The following CUL1 variants were observed in gnomAD, a reference collection of about 807,000 sequenced individuals.
CUL1 encodes the protein cullin-1.
In CUL1, 24 loss-of-function variants were observed where a neutral mutation model predicts 118.0. The observed-to-expected ratio is 0.20, with a 90% confidence interval of 0.15 to 0.29. The LOEUF is 0.29. Among genes scored for constraint, CUL1 ranks in the 10% least tolerant of loss-of-function variants. The pLI, the probability that CUL1 is intolerant of heterozygous loss-of-function variation, is 1.00. For missense variants in CUL1, 361 were observed against 933.8 expected (o/e 0.39, Z 7.99); for synonymous variants, 332 against 340.4 (o/e 0.98, Z 0.27).
At chr7:148,717,002 T>C (rs1454406628) in intron 1 of CUL1, among the ~76,000 whole-genome samples, 1 of 152,206 alleles carries the variant, frequency 6.6e-6, no homozygotes, top group Non-Finnish European at 1.5e-5. Context: ...CATGGAACAT[T>C]TCTTCAGCAA....
At chr7:148,742,358 A>G (rs1029610422) in intron 2 of CUL1, among the ~76,000 whole-genome samples, 2 of 152,174 alleles carry the variant, frequency 1.3e-5, no homozygotes, top group African/African-American at 2.4e-5. Context: ...AGTAGGCAAG[A>G]GAGCTTATGC....
intron 17 of CUL1, 113 bp downstream of exon 17, chr7:148,792,931 T>A (rs1801066459): frequency 5.8e-6 from 4 of 690,408 alleles, no homozygotes; most frequent in African/African-American, 1.8e-5. Flanking sequence ...GAAATAGATG[T>A]TTGCCTCATG....
chr7:148,707,955 C>G (rs1440523658), intron 1 of CUL1, among the ~76,000 whole-genome samples: 1 of 152,152 alleles, frequency 6.6e-6, no homozygotes, highest in Non-Finnish European at 1.5e-5. Context: ...CCAGTGTCCC[C>G]TTCTGAGTAG....
At chr7:148,736,374 G>A (rs1287353061) in intron 2 of CUL1, among the ~76,000 whole-genome samples, 2 of 152,124 alleles carry the variant, frequency 1.3e-5, no homozygotes, top group African/African-American at 4.8e-5. Flanking sequence ...TCATAGCTCA[G>A]TGCAGCCTCC....
intron 1 of CUL1, among the ~76,000 whole-genome samples, chr7:148,717,912 C>A (rs930548558): frequency 6.6e-6 from 1 of 152,166 alleles, no homozygotes; most frequent in Non-Finnish European, 1.5e-5. Context: ...ATCATCCATG[C>A]CATATGACAT....
intron 2 of CUL1, among the ~76,000 whole-genome samples, chr7:148,735,757 C>CGTGTGT (rs774635555): frequency 6.6e-6 from 1 of 151,626 alleles, no homozygotes; most frequent in African/African-American, 2.4e-5. Flanking sequence ...CTATCCTTCT[C>CGTGTGT]GTGTGTGTGT....
chr7:148,721,815 CCTA>C (rs1429728171), intron 1 of CUL1, among the ~76,000 whole-genome samples: 7 of 151,956 alleles, frequency 4.6e-5, no homozygotes, highest in African/African-American at 1.7e-4. Context: ...GTGTGACTGT[CCTA>C]CTGCTTAGTT....
intron 1 of CUL1, among the ~76,000 whole-genome samples, chr7:148,705,490 G>A (rs1168310478): frequency 6.6e-6 from 1 of 152,150 alleles, no homozygotes; most frequent in East Asian, 1.9e-4. Context: ...TGAGAAAACC[G>A]TTGCACAGAA....
intron 2 of CUL1, among the ~76,000 whole-genome samples, chr7:148,732,508 ATT>A (rs879290722): frequency 1.4e-5 from 2 of 143,136 alleles, no homozygotes; most frequent in Non-Finnish European, 1.5e-5. Flanking sequence ...TGCCCGGCTA[ATT>A]TTTTTTTTTT....
chr7:148,736,033 G>A (rs1047127657), intron 2 of CUL1, among the ~76,000 whole-genome samples: 1 of 149,502 alleles, frequency 6.7e-6, no homozygotes, highest in South Asian at 2.1e-4. Flanking sequence ...AAAAAGCCAG[G>A]TGTGGTAGTG....
At chr7:148,792,661 T>G in intron 16 of CUL1, 65 bp from the exon 17 acceptor site, 1 of 1,098,160 alleles carries the variant, frequency 9.1e-7, no homozygotes, top group Non-Finnish European at 1.3e-6. Flanking sequence ...GGGCTGTATA[T>G]TTTGGGAGGT....
chr7:148,753,255 G>A (rs184260955), intron 2 of CUL1, among the ~76,000 whole-genome samples: 128 of 152,056 alleles, frequency 8.4e-4, no homozygotes, highest in Non-Finnish European at 1.4e-3. Context: ...GTATCTTTCC[G>A]TTCATTTTAT....
At chr7:148,731,546 A>G (rs1798763136) in intron 2 of CUL1, among the ~76,000 whole-genome samples, 1 of 152,230 alleles carries the variant, frequency 6.6e-6, no homozygotes, top group African/African-American at 2.4e-5. Flanking sequence ...ATTATGTACC[A>G]TAAAATTCAA....
At chr7:148,789,044 T>TTA (rs1431472238) in intron 14 of CUL1, among the ~76,000 whole-genome samples, 2 of 152,144 alleles carry the variant, frequency 1.3e-5, no homozygotes, top group Non-Finnish European at 2.9e-5. Flanking sequence ...CAGACTGGGA[T>TTA]TAGGGATCAG....
chr7:148,768,581 C>T (rs1191711505), intron 9 of CUL1, among the ~76,000 whole-genome samples: 2 of 151,858 alleles, frequency 1.3e-5, no homozygotes, highest in Non-Finnish European at 2.9e-5. Context: ...GACAGGGTTT[C>T]GCTGTGTTGG....
In CUL1 at chr7:148,725,219, G is replaced by GCGCGCGCACACACACACA; in HGVS notation, c.-161-4742_-161-4741insGCGCGCACACACACACAC. ...CGTGTACACACACACACACGCGCGCGCTCACACACACACACACACACACAC... is the reference window on the plus strand; with the variant it reads ...CGTGTACACACACACACACGCGCGCGCGCGCGCACACACACACACTCACACACACACACACACACACAC... On this transcript the variant is annotated intron_variant, in intron 1 of 21. Coordinates refer to ENST00000325222, the MANE Select transcript of CUL1 (RefSeq NM_003592.3). Among the ~76,000 whole-genome samples the GCGCGCGCACACACACACA allele has an allele frequency of 8.4e-3, 1,174 of 140,120 alleles. 10 individuals are homozygous for GCGCGCGCACACACACACA. The highest frequency in any genetic ancestry group is 0.012 in the Non-Finnish European group (804 of 65,612). 91.9% of individuals were successfully genotyped at this position (140,120 alleles called of 152,430 possible).
At chr7:148,738,368 T>G (rs1016145978) in intron 2 of CUL1, among the ~76,000 whole-genome samples, 1 of 152,162 alleles carries the variant, frequency 6.6e-6, no homozygotes, top group Non-Finnish European at 1.5e-5. Context: ...ATAGGACCCT[T>G]TCACAGTGAC....
At chr7:148,744,382 G>T (rs1799240433) in intron 2 of CUL1, among the ~76,000 whole-genome samples, 1 of 147,318 alleles carries the variant, frequency 6.8e-6, no homozygotes. Flanking sequence ...TAATATATTT[G>T]TTGGTTGTTT....
intron 1 of CUL1, among the ~76,000 whole-genome samples, chr7:148,701,616 G>C (rs6965284): frequency 0.025 from 3,826 of 152,270 alleles, 123 homozygotes; most frequent in African/African-American, 0.077. Context: ...CCTCCTTGTA[G>C]ATGAGGCAAG....
Sources: allele counts gnomAD v4.1 joint callset (sites outside exome capture counted in the v4.1 genomes callset), GRCh38; gene constraint gnomAD v4.1.1; transcripts MANE v1.5; gene names NCBI Gene and HGNC (gene_info 2026-07-23, HGNC 2026-07-21).